The following ATP11A variants were observed in gnomAD, a reference collection of about 807,000 sequenced individuals.
The protein encoded by ATP11A is ATPase phospholipid transporting 11A.
ATP11A carries 81 observed loss-of-function variants against 154.4 expected under a neutral mutation model. The ratio of observed to expected loss-of-function variants is 0.52; its 90% CI spans 0.44 to 0.63. The LOEUF (loss-of-function observed/expected upper bound fraction) is 0.63. Ranked by LOEUF, ATP11A falls within the 30% of genes least tolerant of loss-of-function variation. The pLI, the probability that ATP11A is intolerant of heterozygous loss-of-function variation, is 0.00. For synonymous variants in ATP11A, 623 were observed against 585.9 expected, an observed-to-expected ratio of 1.06 and a Z score of -0.91; for missense variants, 1,316 against 1,474.3, an observed-to-expected ratio of 0.89 and a Z score of 1.76.
intron 1 of ATP11A, among the ~76,000 whole-genome samples, chr13:112,761,972 C>T (rs1463894940): frequency 6.6e-6 from 1 of 152,204 alleles, no homozygotes; most frequent in Non-Finnish European, 1.5e-5. Context: ...CTGAGTGTCA[C>T]ACTCACCTCC....
In ATP11A at chr13:112,723,657, A is replaced by G. The variant is rs1045094122; in HGVS notation, c.39+33202A>G. Among the ~76,000 whole-genome samples, 75 of 151,980 alleles carry G rather than the reference A, an allele frequency of 4.9e-4. 2 individuals are homozygous for G. The highest frequency in any genetic ancestry group is 5.9e-4 in the Non-Finnish European group (40 of 68,020). On this transcript the variant is annotated intron_variant, in intron 1 of 29. Coordinates refer to ENST00000375645, the MANE Select transcript of ATP11A (RefSeq NM_015205.3). Reference sequence around the variant, plus strand: ...TAAACCCCAAAAGGGAGGGGGTAGAAGGAGGTATGTGTAACCTCTGTCATG... The same window carrying G: ...TAAACCCCAAAAGGGAGGGGGTAGAGGGAGGTATGTGTAACCTCTGTCATG...
intron 2 of ATP11A, among the ~76,000 whole-genome samples, chr13:112,787,845 G>T (rs959472219): frequency 6.9e-6 from 1 of 145,828 alleles, no homozygotes; most frequent in African/African-American, 2.6e-5. Context: ...ATTCACACCG[G>T]TGTCCTGATG....
chr13:112,704,033 G>A (rs17121518), intron 1 of ATP11A, among the ~76,000 whole-genome samples: 44 of 152,310 alleles, frequency 2.9e-4, no homozygotes, highest in African/African-American at 1.0e-3. Context: ...ATTGGACCGT[G>A]CTAGTTGGAA....
At chr13:112,844,303 A>G (rs952407122) in intron 17 of ATP11A, among the ~76,000 whole-genome samples, 3 of 152,218 alleles carry the variant, frequency 2.0e-5, no homozygotes, top group African/African-American at 7.2e-5. Flanking sequence ...TGATGATTGT[A>G]AAGTCCACTT....
intron 1 of ATP11A, among the ~76,000 whole-genome samples, chr13:112,738,081 T>C (rs1477467298): frequency 6.6e-6 from 1 of 152,122 alleles, no homozygotes; most frequent in Non-Finnish European, 1.5e-5. Flanking sequence ...TTGAAATAGC[T>C]CCAACTTGGG....
chr13:112,780,375 C>T (rs1566470757), intron 1 of ATP11A, among the ~76,000 whole-genome samples: 1 of 152,010 alleles, frequency 6.6e-6, no homozygotes, highest in South Asian at 2.1e-4. Context: ...TGCCCAGCCC[C>T]CGGCAGCCCC....
chr13:112,734,803 G>A (rs762762247), intron 1 of ATP11A, among the ~76,000 whole-genome samples: 6 of 152,162 alleles, frequency 3.9e-5, no homozygotes, highest in Non-Finnish European at 7.4e-5. Flanking sequence ...ATGGTGCCTG[G>A]TGGGGTGGCA....
In ATP11A at chr13:112,708,542, C is replaced by T. The variant is rs542086983; in HGVS notation, c.39+18087C>T. On this transcript the variant is annotated intron_variant, in intron 1 of 29. Transcript: ENST00000375645. ...CTTCGCAGTTGACAGAAAAGTAAAA[C>T]GTAAAAGGAGTATTAATGGCTTTTC... 5.3e-5 allele frequency among the ~76,000 whole-genome samples: 8 copies of T among 152,300 alleles called. 1 individual carries two copies. The highest frequency in any genetic ancestry group is 1.7e-4 in the African/African-American group (7 of 41,576).
chr13:112,706,407 A>G (rs1038552026), intron 1 of ATP11A, among the ~76,000 whole-genome samples: 2 of 152,188 alleles, frequency 1.3e-5, no homozygotes, highest in Non-Finnish European at 2.9e-5. Flanking sequence ...ACAGCTCATA[A>G]TGATGTTAGT....
chr13:112,879,574 C>T (rs749625112), intron 29 of ATP11A, among the ~76,000 whole-genome samples: 19 of 152,324 alleles, frequency 1.2e-4, no homozygotes, highest in African/African-American at 3.8e-4. Context: ...AAGCTGAGCC[C>T]GGCTGCGTAG....
intron 8 of ATP11A, 83 bp downstream of exon 8, chr13:112,820,033 A>G (rs1006654586): frequency 9.8e-5 from 132 of 1,352,240 alleles, no homozygotes; most frequent in Non-Finnish European, 1.2e-4. Flanking sequence ...AAGGGTTTCC[A>G]CGGCGGCTGC....
chr13:112,726,626 T>A (rs74115458), intron 1 of ATP11A, among the ~76,000 whole-genome samples: 3,087 of 152,056 alleles, frequency 0.02, 89 homozygotes, highest in African/African-American at 0.069. Flanking sequence ...CCGGGGGTGC[T>A]GCAGATGCTG....
chr13:112,809,977 C>T (rs1385003720), intron 4 of ATP11A, among the ~76,000 whole-genome samples: 1 of 152,144 alleles, frequency 6.6e-6, no homozygotes, highest in Non-Finnish European at 1.5e-5. Flanking sequence ...TTTTCCAGCC[C>T]CCTGCCTGTG....
chr13:112,826,539 T>C (rs1429057905), intron 11 of ATP11A, among the ~76,000 whole-genome samples, 155 bp from the exon 12 acceptor site: 1 of 151,058 alleles, frequency 6.6e-6, no homozygotes, highest in East Asian at 1.9e-4. Flanking sequence ...AGTGGCTGCC[T>C]TCCGCCCATA....
rs2080990072 is a variant in ATP11A, at chr13:112,887,069, TA to T, written c.*5204del. The T allele has an allele frequency of 2.0e-5, 3 of 152,386 alleles. No individual in the cohort carries two copies. The South Asian group carries it at 6.2e-4, about 32-fold the overall frequency. 9.4% of individuals were successfully genotyped at this position (152,386 alleles called of 1,614,324 possible). A position where few individuals can be genotyped will look rare whatever the true frequency, so the allele number is the denominator to read the frequency against. On this transcript the variant is annotated 3_prime_UTR_variant, in exon 30 of 30. Transcript: ENST00000375645. ...TAGATAAACTGACTGGATAATATTA[TA>T]TTGGACTTTTCTCTAGATTATCTAA...
chr13:112,831,633 C>G (rs1322142344), intron 13 of ATP11A, 85 bp downstream of exon 13: 28 of 1,456,474 alleles, frequency 1.9e-5, no homozygotes, highest in Non-Finnish European at 2.6e-5. Context: ...ACTCGAGTGT[C>G]CAGGAAAATC....
In ATP11A at chr13:112,834,318, G is replaced by A. The variant is rs543715975; in HGVS notation, c.1560-271G>A. ...GCCATGTGCCTGCCATGCTCTTCTG[G>A]AGAACAATACTGACAAGAATGTGCC... On this transcript the variant is annotated intron_variant, in intron 14 of 29. Coordinates refer to ENST00000375645, the MANE Select transcript of ATP11A (RefSeq NM_015205.3). 7.2e-5 allele frequency among the ~76,000 whole-genome samples: 11 copies of A among 152,336 alleles called. No homozygotes were observed. The South Asian group carries it at 2.3e-3, about 32-fold the overall frequency.
chr13:112,841,714 G>C (rs535754422), intron 16 of ATP11A, among the ~76,000 whole-genome samples: 1 of 152,406 alleles, frequency 6.6e-6, no homozygotes, highest in South Asian at 2.1e-4. Flanking sequence ...GTATGCTGCA[G>C]TGCCTGGAAG....
intron 1 of ATP11A, chr13:112,745,330 G>A (rs1331846775): frequency 6.6e-6 from 1 of 152,284 alleles, no homozygotes; most frequent in Non-Finnish European, 1.5e-5. Context: ...CTCCCAAAGT[G>A]TGGGGATTAC....
Sources: gnomAD v4.1 joint callset for allele counts (sites outside exome capture counted in the v4.1 genomes callset) on GRCh38, gnomAD v4.1.1 for gene constraint, MANE v1.5 for transcripts, NCBI Gene and HGNC (gene_info 2026-07-23, HGNC 2026-07-21) for gene names.